Variants in ATR observed in about 807,000 individuals in gnomAD.
ATR encodes the protein serine/threonine-protein kinase ATR.
A neutral mutation model predicts 305.3 loss-of-function variants in ATR; 142 were observed. That is an observed-to-expected ratio of 0.47 (90% confidence interval 0.41 to 0.53). The LOEUF is 0.53. ATR is among the 20% of genes least tolerant of loss of function. The pLI is 0.00. For missense variants in ATR, 2,135 were observed against 3,133.1 expected (o/e 0.68, Z 7.60); for synonymous variants, 1,050 against 1,068.1 (o/e 0.98, Z 0.33).
At chr3:142,460,535 G>A (rs1229147273) in intron 42 of ATR, among the ~76,000 whole-genome samples, 1 of 152,082 alleles carries the variant, frequency 6.6e-6, no homozygotes, top group Middle Eastern at 3.2e-3. Flanking sequence ...AACACCAGAA[G>A]GTTAAGAGAA....
At chr3:142,509,410 T>C (rs139836762) in intron 27 of ATR, among the ~76,000 whole-genome samples, 2,723 of 152,176 alleles carry the variant, frequency 0.018, 29 homozygotes, top group South Asian at 0.041. Flanking sequence ...GTGATCCTCC[T>C]GCCTCGGCCT....
intron 16 of ATR, among the ~76,000 whole-genome samples, chr3:142,545,921 C>T (rs2108447795): frequency 6.6e-6 from 1 of 152,168 alleles, no homozygotes; most frequent in East Asian, 1.9e-4. Context: ...TTCTAATGAA[C>T]ATATTATATT....
At chr3:142,475,012 G>C (rs562098394) in intron 36 of ATR, among the ~76,000 whole-genome samples, 1 of 152,184 alleles carries the variant, frequency 6.6e-6, no homozygotes, top group African/African-American at 2.4e-5. Context: ...TCCAGGGATA[G>C]AGGGGTGACA....
At chr3:142,503,562 C>T (rs2032086285) in intron 29 of ATR, 109 bp from the exon 30 acceptor site, 1 of 522,584 alleles carries the variant, frequency 1.9e-6, no homozygotes, top group Non-Finnish European at 3.2e-6. Context: ...CCTTATTGCC[C>T]TTATTTTTTT....
At chr3:142,515,536 TTATTAAAAAGA>T (rs1407715919) in intron 24 of ATR, 21 bp from the exon 25 acceptor site, 1 of 1,597,876 alleles carries the variant, frequency 6.3e-7, no homozygotes, top group Admixed American at 1.7e-5. Context: ...GAAAATTTGT[TTATTAAAAAGA>T]TAAATCCACC....
At chr3:142,555,109 G>A (rs748921968) in intron 10 of ATR, among the ~76,000 whole-genome samples, 6 of 142,164 alleles carry the variant, frequency 4.2e-5, no homozygotes, top group Non-Finnish European at 7.8e-5. Context: ...GGTGGCACAC[G>A]CCTGTAATCC....
chr3:142,513,569 T>C lies in ATR; in HGVS notation c.4573A>G (p.Thr1525Ala). ...AGAATATGTGGAAGAAGATAGATGG[T>C]CACTTTGAAATCATGCTTCATCATA... ...SIMMKHDFKV[T>A]IYLLPHILVY... Residue 1525 changes from threonine (T) to alanine (A), a missense_variant, in exon 26 of 47, where the codon ACC becomes GCC. Transcript: ENST00000350721. The C allele has an allele frequency of 6.2e-7, 1 of 1,613,308 alleles. No homozygotes were observed. The highest frequency in any genetic ancestry group is 2.2e-5 in the East Asian group (1 of 44,756).
At position 142,482,998 on chromosome 3, in the gene ATR, TTTTC is replaced by T. The variant is rs1266552366; in HGVS notation, c.6221+2138_6221+2141del. The stretch of plus-strand genomic sequence containing the variant: ...TATGCCCCCTTTCTTTCTTTTTTTT[TTTTC>T]TTTCTTTCTTTTTTTTTTTTTGAGA... On this transcript the variant is annotated intron_variant, in intron 36 of 46. Coordinates refer to ENST00000350721, the MANE Select transcript of ATR (RefSeq NM_001184.4). 7.5e-3 allele frequency among the ~76,000 whole-genome samples: 1,126 copies of T among 150,192 alleles called. 14 individuals are homozygous for T. Among genetic ancestry groups the T allele is most frequent in the African/African-American group, 0.026 (1,028 of 40,240 alleles).
chr3:142,482,167 T>G (rs1304415308), intron 36 of ATR, among the ~76,000 whole-genome samples: 1 of 152,168 alleles, frequency 6.6e-6, no homozygotes, highest in Non-Finnish European at 1.5e-5. Flanking sequence ...GTACCATTAT[T>G]TAAATGTTTT....
intron 21 of ATR, among the ~76,000 whole-genome samples, chr3:142,525,803 A>G: frequency 6.6e-6 from 1 of 151,748 alleles, no homozygotes. Flanking sequence ...TGATATGCCA[A>G]CTCCCCTTCC....
intron 10 of ATR, among the ~76,000 whole-genome samples, chr3:142,555,422 A>G (rs1421513677): frequency 6.6e-6 from 1 of 152,110 alleles, no homozygotes; most frequent in Non-Finnish European, 1.5e-5. Flanking sequence ...GTATTTGTAT[A>G]AATCTCATAC....
At chr3:142,455,078 T>C (rs552044162) in intron 45 of ATR, among the ~76,000 whole-genome samples, 2 of 152,268 alleles carry the variant, frequency 1.3e-5, no homozygotes, top group East Asian at 3.9e-4. Flanking sequence ...GATTGTAAGA[T>C]ACAATATCAA....
At chr3:142,534,381 C>T (rs2033774976) in intron 21 of ATR, among the ~76,000 whole-genome samples, 2 of 152,058 alleles carry the variant, frequency 1.3e-5, no homozygotes, top group African/African-American at 4.8e-5. Flanking sequence ...ATTACCATCA[C>T]GTATATCTTT....
intron 41 of ATR, 33 bp from the exon 42 acceptor site, chr3:142,462,123 G>T (rs1390016791): frequency 6.3e-7 from 1 of 1,582,354 alleles, no homozygotes; most frequent in Non-Finnish European, 8.6e-7. Context: ...TTAAAAACAA[G>T]ATAGAACTCA....
intron 27 of ATR, among the ~76,000 whole-genome samples, chr3:142,510,644 G>A (rs2032504761): frequency 6.6e-6 from 1 of 152,084 alleles, no homozygotes; most frequent in Admixed American, 6.6e-5. Context: ...AGAACAAGAG[G>A]GAGATGCTCA....
intron 36 of ATR, among the ~76,000 whole-genome samples, chr3:142,484,618 T>C (rs571534884): frequency 6.6e-6 from 1 of 152,254 alleles, no homozygotes; most frequent in South Asian, 2.1e-4. Flanking sequence ...AGCAAATTTA[T>C]TGAACCCAAG....
At chr3:142,498,830 C>T in intron 31 of ATR, 56 bp from the exon 32 acceptor site, 1 of 1,551,296 alleles carries the variant, frequency 6.4e-7, no homozygotes, top group Non-Finnish European at 8.9e-7. Context: ...CAAGAGTCAG[C>T]TTTATTTCAT....
At chr3:142,460,403 T>C (rs1257917010) in intron 42 of ATR, among the ~76,000 whole-genome samples, 3 of 152,136 alleles carry the variant, frequency 2.0e-5, no homozygotes, top group Admixed American at 6.5e-5. Flanking sequence ...GTCATTAAGG[T>C]GGGCCCTTAA....
chr3:142,458,533 C>A (rs2070956418), intron 44 of ATR, among the ~76,000 whole-genome samples: 1 of 152,184 alleles, frequency 6.6e-6, no homozygotes, highest in Non-Finnish European at 1.5e-5. Context: ...AGGTCCCACT[C>A]TGGACCTACA....
Sources: gnomAD v4.1 joint callset for allele counts (sites outside exome capture counted in the v4.1 genomes callset) on GRCh38, gnomAD v4.1.1 for gene constraint, MANE v1.5 for transcripts, NCBI Gene and HGNC (gene_info 2026-07-23, HGNC 2026-07-21) for gene names.